JCAD: variants seen among roughly 807,000 people sequenced by gnomAD.
The protein encoded by JCAD is junctional cadherin 5 associated.
Under a neutral mutation model 98.0 loss-of-function variants are expected in JCAD, and 40 were observed. That is an observed-to-expected ratio of 0.41 (90% CI 0.32 to 0.53). The LOEUF is 0.53. JCAD is among the 20% of genes least tolerant of loss of function. The pLI, the probability that JCAD is intolerant of heterozygous loss-of-function variation, is 0.31. For synonymous variants in JCAD, 691 were observed against 682.3 expected, an observed-to-expected ratio of 1.01 and a Z score of -0.20; for missense variants, 1,705 against 1,738.1, an observed-to-expected ratio of 0.98 and a Z score of 0.34.
intron 1 of JCAD, among the ~76,000 whole-genome samples, chr10:30,075,691 C>T (rs1168147042): frequency 6.6e-6 from 1 of 152,160 alleles, no homozygotes; most frequent in Non-Finnish European, 1.5e-5. Flanking sequence ...GCCAACCTGT[C>T]AGAATCCATG....
At chr10:30,074,146 G>A (rs1837941352) in intron 1 of JCAD, among the ~76,000 whole-genome samples, 1 of 152,036 alleles carries the variant, frequency 6.6e-6, no homozygotes, top group Non-Finnish European at 1.5e-5. Context: ...CAGTAAATTC[G>A]GAGTATTCTT....
Position 30,057,503 on chromosome 10 carries a change from T to A in JCAD, c.-60+1979A>T, listed in dbSNP as rs560167053. Among the ~76,000 whole-genome samples the A allele has an allele frequency of 3.3e-5, 5 of 152,156 alleles. No individual in the cohort carries two copies. The South Asian group carries it at 1.0e-3, about 31-fold the overall frequency. On this transcript the variant is annotated intron_variant, in intron 1 of 3. Coordinates refer to ENST00000375377, the MANE Select transcript of JCAD (RefSeq NM_020848.4). ...AATCTGTGACCACTCGATGAGCTATTTGATAACCCTGATGACTTTGTCAAG... is the reference window on the plus strand; with the variant it reads ...AATCTGTGACCACTCGATGAGCTATATGATAACCCTGATGACTTTGTCAAG...
chr10:30,027,340 G>A lies in JCAD; in HGVS notation c.2808C>T (p.Arg936=), dbSNP rs1362446028. The stretch of plus-strand genomic sequence containing the variant: ...AAGGTGCACCGCCACCTTCTTCCAC[G>A]CGAAAGCGGCCCGGGGATGGAGGCC... ...RAWPPSPGRF[R]VEEGGGAPFC... Residue 936 remains arginine (R), a synonymous_variant, in exon 3 of 4, where the codon CGC becomes CGT. Coordinates refer to ENST00000375377, the MANE Select transcript of JCAD (RefSeq NM_020848.4). 6.2e-7 allele frequency: 1 copy of A among 1,612,766 alleles called. No individual in the cohort carries two copies. The highest frequency in any genetic ancestry group is 8.5e-7 in the Non-Finnish European group (1 of 1,180,036).
intron 2 of JCAD, among the ~76,000 whole-genome samples, chr10:30,041,231 A>T (rs948986419): frequency 1.3e-5 from 2 of 152,074 alleles, no homozygotes; most frequent in African/African-American, 2.4e-5. Flanking sequence ...TACAGAAGAC[A>T]GTGAGGGAAG....
At chr10:30,070,377 TCCTGTGTC>T (rs1837863131) in intron 1 of JCAD, among the ~76,000 whole-genome samples, 2 of 152,196 alleles carry the variant, frequency 1.3e-5, no homozygotes, top group African/African-American at 4.8e-5. Flanking sequence ...CAGCAGGATG[TCCTGTGTC>T]GTCTGCACAT....
intron 1 of JCAD, among the ~76,000 whole-genome samples, chr10:30,110,610 A>T (rs1413098387): frequency 6.6e-6 from 1 of 152,032 alleles, no homozygotes. Flanking sequence ...GGACCAGCTG[A>T]TGTGTGAACC....
chr10:30,046,107 T>C (rs1159966657), intron 2 of JCAD, among the ~76,000 whole-genome samples: 1 of 152,166 alleles, frequency 6.6e-6, no homozygotes, highest in Non-Finnish European at 1.5e-5. Context: ...TTTGTCCATA[T>C]CTAACTGCTG....
intron 2 of JCAD, among the ~76,000 whole-genome samples, chr10:30,034,060 TA>T (rs1837058233): frequency 6.6e-6 from 1 of 151,240 alleles, no homozygotes; most frequent in Non-Finnish European, 1.5e-5. Flanking sequence ...CTGTCTCTAC[TA>T]AAAATATAAA....
At chr10:30,064,364 C>T (rs1419545890), upstream of JCAD, among the ~76,000 whole-genome samples, 1 of 152,102 alleles carries the variant, frequency 6.6e-6, no homozygotes, top group African/African-American at 2.4e-5. Context: ...CCTGATGCAG[C>T]CGCTTGACCT....
In JCAD at chr10:30,027,460, C is replaced by T. The variant is rs1836848642; in HGVS notation, c.2688G>A (p.Met896Ile). The part of the protein sequence containing the change: ...PEMRVEPQPR[M>I]WVPESPVCRS... ...TACACACAGGGCTCTCCGGCACCCA[C>T]ATCCTCGGCTGTGGCTCAACCCTCA... Residue 896 changes from methionine (M) to isoleucine (I), a missense_variant, in exon 3 of 4, where the codon ATG becomes ATA. Coordinates refer to ENST00000375377, the MANE Select transcript of JCAD (RefSeq NM_020848.4). The T allele has an allele frequency of 6.2e-7, 1 of 1,605,362 alleles. No individual in the cohort carries two copies. Among genetic ancestry groups the T allele is most frequent in the Non-Finnish European group, 8.5e-7 (1 of 1,179,998 alleles).
rs558441047 is a variant in JCAD at position 30,017,780 on chromosome 10, A to G, written c.*103T>C. The G allele has an allele frequency of 1.8e-5, 19 of 1,056,126 alleles. No individual in the cohort carries two copies. The East Asian group carries it at 4.1e-4, about 23-fold the overall frequency. The allele number at this position is 1,056,126 out of a possible 1,614,324, so 65.4% of individuals were successfully genotyped here. On this transcript the variant is annotated 3_prime_UTR_variant, in exon 4 of 4. Transcript: ENST00000375377. ...GTTATCAGGATGCTAAAAACTCAGC[A>G]GCTTCCAGCTTCTACATGGGGAAGT...
At chr10:30,082,589 T>C (rs1382786139) in intron 1 of JCAD, among the ~76,000 whole-genome samples, 1 of 151,684 alleles carries the variant, frequency 6.6e-6, no homozygotes, top group Non-Finnish European at 1.5e-5. Flanking sequence ...TGGTGGCTCA[T>C]GCCTGTAATC....
At position 30,017,175 on chromosome 10, in the gene JCAD, T is replaced by G. The variant is rs1268031348; in HGVS notation, c.*708A>C. On this transcript the variant is annotated 3_prime_UTR_variant, in exon 4 of 4. Coordinates refer to ENST00000375377, the MANE Select transcript of JCAD (RefSeq NM_020848.4). ...TACCCATACAGAAAATAAAAATAGA[T>G]AATACTGAGTGCAAAGCAGACAATG... 1 of 152,152 alleles carries G rather than the reference T, an allele frequency of 6.6e-6. No individual in the cohort carries two copies. The highest frequency in any genetic ancestry group is 2.4e-5 in the African/African-American group (1 of 41,428). The allele number at this position is 152,152 out of a possible 1,614,324, so 9.4% of individuals were successfully genotyped here.
chr10:30,094,455 A>G (rs911769122), intron 1 of JCAD, among the ~76,000 whole-genome samples: 1 of 152,254 alleles, frequency 6.6e-6, no homozygotes, highest in South Asian at 2.1e-4. Flanking sequence ...ATCTCAAAAC[A>G]AAAACAAAAA....
chr10:30,036,091 T>G (rs1837104251), intron 2 of JCAD, among the ~76,000 whole-genome samples: 1 of 152,242 alleles, frequency 6.6e-6, no homozygotes, highest in African/African-American at 2.4e-5. Context: ...TTCACATGAC[T>G]CCTTCTCAAC....
chr10:30,070,731 C>A (rs1263521999), intron 1 of JCAD, among the ~76,000 whole-genome samples: 2 of 152,170 alleles, frequency 1.3e-5, no homozygotes, highest in East Asian at 1.9e-4. Flanking sequence ...TTGGAACAAA[C>A]GCTATTCAGA....
chr10:30,064,017 G>C (rs1431051495), upstream of JCAD, among the ~76,000 whole-genome samples: 3 of 152,068 alleles, frequency 2.0e-5, no homozygotes, highest in Non-Finnish European at 4.4e-5. Context: ...ATGTTGGCCA[G>C]GCTGGTCTCG....
chr10:30,085,494 A>G (rs1838153343), intron 1 of JCAD, among the ~76,000 whole-genome samples: 1 of 152,220 alleles, frequency 6.6e-6, no homozygotes, highest in Non-Finnish European at 1.5e-5. Context: ...CTTTGAGAAG[A>G]CAGAGATTAA....
chr10:30,050,629 C>T (rs750649079), intron 1 of JCAD, among the ~76,000 whole-genome samples: 2 of 152,190 alleles, frequency 1.3e-5, no homozygotes, highest in African/African-American at 4.8e-5. Context: ...GAAGACATAA[C>T]CCTCACAAAA....
Sources: gnomAD v4.1 joint callset for allele counts (sites outside exome capture counted in the v4.1 genomes callset) on GRCh38, gnomAD v4.1.1 for gene constraint, MANE v1.5 for transcripts, NCBI Gene and HGNC (gene_info 2026-07-23, HGNC 2026-07-21) for gene names.